Variants in WIZ observed in about 807,000 individuals in gnomAD.
WIZ encodes WIZ zinc finger.
A neutral mutation model predicts 140.2 loss-of-function variants in WIZ; 25 were observed. The observed-to-expected ratio is 0.18, with a 90% CI of 0.13 to 0.25. The LOEUF is 0.25. Among genes scored for constraint, WIZ ranks in the 10% least tolerant of loss-of-function variants. The probability of loss-of-function intolerance (pLI) is 1.00; values close to 1 mark genes in which losing one functional copy is unlikely to be tolerated. For missense variants in WIZ, 2,231 were observed against 2,632.6 expected, an observed-to-expected ratio of 0.85 and a Z score of 3.34; for synonymous variants, 1,125 against 1,154.3, an observed-to-expected ratio of 0.97 and a Z score of 0.51.
chr19:15,436,649 A>T (rs1295940105), intron 5 of WIZ, 157 bp downstream of exon 5: 3 of 708,214 alleles, frequency 4.2e-6, no homozygotes, highest in African/African-American at 3.8e-5. Context: ...ACACCTAAAT[A>T]GCAGGGTGGT....
intron 2 of WIZ, among the ~76,000 whole-genome samples, chr19:15,444,223 T>G (rs1453712238): frequency 2.4e-4 from 37 of 152,150 alleles, no homozygotes; most frequent in Admixed American, 2.4e-3. Flanking sequence ...GAGAGCTGAC[T>G]GCTGAGAGTC....
Position 15,438,902 on chromosome 19 carries a change from C to A in WIZ, c.2092G>T (p.Ala698Ser). 6.9e-7 allele frequency: 1 copy of A among 1,450,042 alleles called. No individual in the cohort carries two copies. The highest frequency in any genetic ancestry group is 9.1e-7 in the Non-Finnish European group (1 of 1,102,202). 89.8% of individuals were successfully genotyped at this position (1,450,042 alleles called of 1,614,324 possible). ...AKLGPQVMAA[A>S]RVPPRLQPEE... ...GGCTGCAACCTTGGGGGCACCCTGG[C>A]TGCCGCCATGACCTGCGGCCCCAGC... Residue 698 changes from alanine to serine, a missense_variant, in exon 4 of 13, where the codon GCC becomes TCC. Ala to Ser is a moderately conservative substitution (Grantham distance 99). This residue lies in a region of WIZ where 475 missense variants were observed against 520.2 expected (regional missense o/e 0.91). Transcript: ENST00000673675.
chr19:15,437,211 C>G (rs2145347775), intron 4 of WIZ, 82 bp from the exon 5 acceptor site: 1 of 1,319,572 alleles, frequency 7.6e-7, no homozygotes, highest in Non-Finnish European at 1.0e-6. Flanking sequence ...CAGGGCTTCA[C>G]CCTGGACTGC....
intron 3 of WIZ, among the ~76,000 whole-genome samples, chr19:15,441,347 T>C (rs1367252873): frequency 2.0e-5 from 3 of 152,074 alleles, no homozygotes; most frequent in Non-Finnish European, 4.4e-5. Context: ...GGGCCTCAGT[T>C]TTCCAATCCT....
At position 15,424,531 on chromosome 19, in the gene WIZ, C is replaced by T. The variant is rs1968590178; in HGVS notation, c.5314+82G>A. 3.3e-6 allele frequency: 5 copies of T among 1,529,302 alleles called. No homozygotes were observed. In the Admixed American group the frequency reaches 8.4e-5, roughly 26 times the overall value. The allele number at this position is 1,529,302 out of a possible 1,614,324, so 94.7% of individuals were successfully genotyped here. On this transcript the variant is annotated intron_variant, in intron 11 of 12. Transcript: ENST00000673675. The surrounding 1 kb of genome is among the most constrained non-coding windows in gnomAD (Gnocchi z 9.7). Reference sequence around the variant, plus strand: ...GCAACTGGAGAAAGGACTTAAGGGCCACAGCAGAGCGCCTGGGGAGTGGCT... The same window carrying T: ...GCAACTGGAGAAAGGACTTAAGGGCTACAGCAGAGCGCCTGGGGAGTGGCT...
Position 15,440,149 on chromosome 19 carries a change from G to C in WIZ, c.845C>G (p.Pro282Arg). The C allele has an allele frequency of 6.5e-7, 1 of 1,532,628 alleles. No homozygotes were observed. The highest frequency in any genetic ancestry group is 8.7e-7 in the Non-Finnish European group (1 of 1,145,318). 94.9% of individuals were successfully genotyped at this position (1,532,628 alleles called of 1,614,324 possible). A position where few individuals can be genotyped will look rare whatever the true frequency, so the allele number is the denominator to read the frequency against. Residue 282 changes from proline to arginine, a missense_variant, in exon 4 of 13, where the codon CCC (proline) becomes CGC (arginine). By Grantham distance (103) the Pro-to-Arg change is moderately radical. Transcript: ENST00000673675. This position sits in a 1 kb window ranked among gnomAD's most constrained non-coding sequence, Gnocchi z 6.2. ...CAGGTAGGGCCCGGTCCGGATCGGG[G>C]GCAGTAGCGGCTGCAGCCGCTCCAC... The part of the protein sequence containing the change: ...ASVERLQPLL[P>R]PIRTGPYLCE...
In WIZ at chr19:15,427,305, A is replaced by G; in HGVS notation, c.4043T>C (p.Leu1348Pro). 1 of 1,613,664 alleles carries G rather than the reference A, an allele frequency of 6.2e-7. No individual in the cohort carries two copies. The highest frequency in any genetic ancestry group is 8.5e-7 in the Non-Finnish European group (1 of 1,179,842). Reference sequence around the variant, plus strand: ...ACCTGCGCCGCCCATCATCTTGGCCAGGGCTTTTGGGCTTGGCCCTGGTGG... The same window carrying G: ...ACCTGCGCCGCCCATCATCTTGGCCGGGGCTTTTGGGCTTGGCCCTGGTGG... ...PNPPGPSPKA[L>P]AKMMGGAGPG... is the part of the protein sequence containing the mutation. Residue 1348 changes from leucine (L) to proline (P), a missense_variant, in exon 9 of 13, where the codon CTG becomes CCG. Leu to Pro is a moderately conservative substitution (Grantham distance 98, BLOSUM62 -3). This residue lies in a region of WIZ where 393 missense variants were observed against 451.7 expected (regional missense o/e 0.87). Coordinates refer to ENST00000673675, the MANE Select transcript of WIZ (RefSeq NM_001371589.1). This position sits in a 1 kb window ranked among gnomAD's most constrained non-coding sequence, Gnocchi z 6.4.
Position 15,427,621 on chromosome 19 carries a change from C to T in WIZ, c.3815-88G>A, listed in dbSNP as rs1016778985. 2.3e-5 allele frequency: 33 copies of T among 1,415,220 alleles called. No homozygotes were observed. In the South Asian group the frequency reaches 2.8e-4, roughly 12 times the overall value. The allele number at this position is 1,415,220 out of a possible 1,614,324, so 87.7% of individuals were successfully genotyped here. Reference sequence around the variant, plus strand: ...AGTGTCCTGGTCGGCTGGGCGTGGGCGGCAGCAGCACGCCCACAGGTTAGG... The same window carrying T: ...AGTGTCCTGGTCGGCTGGGCGTGGGTGGCAGCAGCACGCCCACAGGTTAGG... On this transcript the variant is annotated intron_variant, in intron 8 of 12. Coordinates refer to ENST00000673675, the MANE Select transcript of WIZ (RefSeq NM_001371589.1). The surrounding 1 kb of genome is among the most constrained non-coding windows in gnomAD (Gnocchi z 6.4).
At chr19:15,425,083 C>A in intron 10 of WIZ, 51 bp from the exon 11 acceptor site, 2 of 1,511,470 alleles carry the variant, frequency 1.3e-6, no homozygotes, top group Non-Finnish European at 1.8e-6. Context: ...GGGGCAGGTG[C>A]ACCCAGATGG....
chr19:15,436,711 G>C, intron 5 of WIZ, 95 bp downstream of exon 5: 1 of 1,294,734 alleles, frequency 7.7e-7, no homozygotes, highest in East Asian at 2.9e-5. Context: ...ATGCTTCCAG[G>C]AAAGCTGAGC....
chr19:15,433,188 C>T, intron 5 of WIZ: 1 of 940,314 alleles, frequency 1.1e-6, no homozygotes, highest in Non-Finnish European at 1.3e-6. Flanking sequence ...ACAAGAATCC[C>T]TCCAGTATCA....
rs765922919 is a variant in WIZ, at chr19:15,448,353, C to T, written c.-46G>A. 51 of 1,602,160 alleles carry T rather than the reference C, an allele frequency of 3.2e-5. No homozygotes were observed. The highest frequency in any genetic ancestry group is 1.7e-4 in the Middle Eastern group (1 of 6,060). ...CCACTCAGCTGCTGCACCGGCTCAG[C>T]GGGGCATTGTGGGCCTGGGGATAGA... On this transcript the variant is annotated 5_prime_UTR_variant, in exon 2 of 13. Transcript: ENST00000673675.
chr19:15,432,115 C>T (rs933433401), intron 5 of WIZ, among the ~76,000 whole-genome samples: 2 of 151,992 alleles, frequency 1.3e-5, no homozygotes, highest in Non-Finnish European at 2.9e-5. Flanking sequence ...GTCGGGTGGG[C>T]GCGTCTGTCA....
At position 15,438,931 on chromosome 19, in the gene WIZ, G is replaced by A. The variant is rs558221618; in HGVS notation, c.2063C>T (p.Ala688Val). 6.2e-6 allele frequency: 9 copies of A among 1,445,564 alleles called. No individual in the cohort carries two copies. Among genetic ancestry groups the A allele is most frequent in the South Asian group, 2.8e-5 (2 of 71,082 alleles). The allele number at this position is 1,445,564 out of a possible 1,614,324, so 89.5% of individuals were successfully genotyped here. Reference sequence around the variant, plus strand: ...CGCCATGACCTGCGGCCCCAGCTTCGCCACGAGCACAATGGGTACCATCCC... The same window carrying A: ...CGCCATGACCTGCGGCCCCAGCTTCACCACGAGCACAATGGGTACCATCCC... ...LRGMVPIVLV[A>V]KLGPQVMAAA... The change falls in exon 4 of 13, where the codon GCG (alanine) becomes GTG (valine). Residue 688 changes from alanine to valine, a missense_variant. Ala to Val is a moderately conservative substitution (Grantham distance 64). Transcript: ENST00000673675.
At chr19:15,449,637 C>A (rs1209352567) in intron 1 of WIZ, 161 bp downstream of exon 1, 1 of 149,826 alleles carries the variant, frequency 6.7e-6, no homozygotes, top group Non-Finnish European at 1.5e-5. Context: ...GCCCCTCCCC[C>A]CACCTGCACG....
Position 15,429,944 on chromosome 19 carries a change from A to T in WIZ, c.3057T>A (p.Leu1019=). The change falls in exon 7 of 13, where the codon CTT becomes CTA. Residue 1019 remains leucine (L), a synonymous_variant. Transcript: ENST00000673675. ...SGAPIDLLYE[L]VKQKGLPDAH... is the part of the protein sequence containing the mutation. ...CGTCAGGCAGACCCTTCTGCTTCAC[A>T]AGCTCGTAGAGGAGGTCGATGGGTG... The T allele has an allele frequency of 6.5e-7, 1 of 1,535,944 alleles. No individual in the cohort carries two copies. The highest frequency in any genetic ancestry group is 2.4e-5 in the East Asian group (1 of 40,888).
At chr19:15,432,577 C>A in intron 5 of WIZ, 1 of 524,556 alleles carries the variant, frequency 1.9e-6, no homozygotes, top group South Asian at 8.1e-5. Flanking sequence ...TGCCGCGGGG[C>A]CCGGGCTCGG....
chr19:15,425,509 A>C lies in WIZ; in HGVS notation c.4626T>G (p.Pro1542=). ...LAEDGPPTVA[P]GPVQSPLPLS... Reference sequence around the variant, plus strand: ...GCGGCAGTGGGGACTGCACGGGCCCAGGGGCCACGGTGGGAGGCCCGTCCT... The same window carrying C: ...GCGGCAGTGGGGACTGCACGGGCCCCGGGGCCACGGTGGGAGGCCCGTCCT... Residue 1542 remains proline, a synonymous_variant, in exon 10 of 13, where the codon CCT becomes CCG. Coordinates refer to ENST00000673675, the MANE Select transcript of WIZ (RefSeq NM_001371589.1). 1 of 1,610,784 alleles carries C rather than the reference A, an allele frequency of 6.2e-7. No homozygotes were observed. The highest frequency in any genetic ancestry group is 1.3e-5 in the African/African-American group (1 of 74,928).
At position 15,440,832 on chromosome 19, in the gene WIZ, G is replaced by T. The variant is rs955068629; in HGVS notation, c.279-117C>A. ...CAGGCCCCGGAGATCCAGCCCGAGGGTGACAGGGGTGTGGGGGTGAGGGTG... is the reference window on the plus strand; with the variant it reads ...CAGGCCCCGGAGATCCAGCCCGAGGTTGACAGGGGTGTGGGGGTGAGGGTG... On this transcript the variant is annotated intron_variant, in intron 3 of 12. Coordinates refer to ENST00000673675, the MANE Select transcript of WIZ (RefSeq NM_001371589.1). The surrounding 1 kb of genome is among the most constrained non-coding windows in gnomAD (Gnocchi z 6.2). 9.8e-7 allele frequency: 1 copy of T among 1,021,046 alleles called. No individual in the cohort carries two copies. The highest frequency in any genetic ancestry group is 1.4e-6 in the Non-Finnish European group (1 of 724,062). 63.2% of individuals were successfully genotyped at this position (1,021,046 alleles called of 1,614,324 possible). A position where few individuals can be genotyped will look rare whatever the true frequency, so the allele number is the denominator to read the frequency against.
Sources: gnomAD v4.1 joint callset for allele counts (sites outside exome capture counted in the v4.1 genomes callset) on GRCh38, gnomAD v4.1.1 for gene constraint, gnomAD v4.1.1 regional missense constraint, Gnocchi (gnomAD v3.1) non-coding constraint, MANE v1.5 for transcripts, NCBI Gene and HGNC (gene_info 2026-07-23, HGNC 2026-07-21) for gene names.